FREM1: variants seen among roughly 807,000 people sequenced by gnomAD.
FREM1 encodes FRAS1-related extracellular matrix protein 1.
In FREM1, 220 loss-of-function variants were observed where a neutral mutation model predicts 210.1. The ratio of observed to expected loss-of-function variants is 1.05; its 90% CI spans 0.94 to 1.17. The LOEUF is 1.17. FREM1 is among the 50% of genes most tolerant of loss of function. The pLI, the probability that FREM1 is intolerant of heterozygous loss-of-function variation, is 0.00. For synonymous variants in FREM1, 1,189 were observed against 980.2 expected, an observed-to-expected ratio of 1.21 and a Z score of -3.98; for missense variants, 3,454 against 2,675.5, an observed-to-expected ratio of 1.29 and a Z score of -6.42.
intron 1 of FREM1, among the ~76,000 whole-genome samples, chr9:14,906,290 A>G (rs1401666752): frequency 6.6e-6 from 1 of 152,172 alleles, no homozygotes; most frequent in African/African-American, 2.4e-5. Flanking sequence ...TTCAAAGGCC[A>G]TTATTTTTTC....
chr9:14,809,527 A>G (rs142520893), intron 16 of FREM1, among the ~76,000 whole-genome samples: 2 of 152,352 alleles, frequency 1.3e-5, no homozygotes, highest in East Asian at 3.9e-4. Flanking sequence ...AAGGATGAGA[A>G]AACTGGGCTT....
rs1220899817 is a variant in FREM1 at position 14,775,849 on chromosome 9, T to C, written c.4797A>G (p.Thr1599=). ...TCCCATTCACAATAAAGCCTTGGTTTGTCCCATCTGTGGCCATGAAAGTAA... is the reference window on the plus strand; with the variant it reads ...TCCCATTCACAATAAAGCCTTGGTTCGTCCCATCTGTGGCCATGAAAGTAA... ...DCFTFMATDG[T]NQGFIVNGRV... The change falls in exon 25 of 37, where the codon ACA becomes ACG. Residue 1599 remains threonine (T), a synonymous_variant. Transcript: ENST00000380880. 1 of 1,613,842 alleles carries C rather than the reference T, an allele frequency of 6.2e-7. No individual in the cohort carries two copies. The highest frequency in any genetic ancestry group is 8.5e-7 in the Non-Finnish European group (1 of 1,179,830).
intron 3 of FREM1, among the ~76,000 whole-genome samples, chr9:14,861,136 TAC>T (rs1554708366): frequency 7.2e-6 from 1 of 138,486 alleles, no homozygotes; most frequent in African/African-American, 2.7e-5. Flanking sequence ...TACACATATA[TAC>T]ATATATACAC....
At position 14,846,040 on chromosome 9, in the gene FREM1, T is replaced by C. The variant is rs1456324788; in HGVS notation, c.1313A>G (p.Gln438Arg). 2 of 1,606,270 alleles carry C rather than the reference T, an allele frequency of 1.2e-6. No individual in the cohort carries two copies. The highest frequency in any genetic ancestry group is 2.2e-5 in the South Asian group (2 of 89,540). ...QSRAITWEQF[Q>R]VVDNDDIGAV... is the part of the protein sequence containing the mutation. Reference sequence around the variant, plus strand: ...ACCAATGTCGTCATTGTCGACAACCTGAAACTGTTCCCAAGTGATGGCTCG... The same window carrying C: ...ACCAATGTCGTCATTGTCGACAACCCGAAACTGTTCCCAAGTGATGGCTCG... The change falls in exon 8 of 37, where the codon CAG becomes CGG. Residue 438 changes from glutamine to arginine, a missense_variant. Gln to Arg is a conservative substitution (Grantham distance 43). Coordinates refer to ENST00000380880, the MANE Select transcript of FREM1 (RefSeq NM_001379081.2).
chr9:14,798,177 T>C (rs953730001), intron 20 of FREM1, among the ~76,000 whole-genome samples: 1 of 152,200 alleles, frequency 6.6e-6, no homozygotes, highest in African/African-American at 2.4e-5. Context: ...GCTACTAAAA[T>C]GCTAGAAGAT....
chr9:14,828,061 A>T (rs1175232381), intron 10 of FREM1, among the ~76,000 whole-genome samples: 1 of 152,236 alleles, frequency 6.6e-6, no homozygotes, highest in East Asian at 1.9e-4. Flanking sequence ...TGCTGCAGAC[A>T]GTACCCACTA....
At chr9:14,823,567 T>C (rs911130153) in intron 12 of FREM1, among the ~76,000 whole-genome samples, 1 of 152,182 alleles carries the variant, frequency 6.6e-6, no homozygotes, top group Non-Finnish European at 1.5e-5. Context: ...AGCATGGCCC[T>C]GCCAACACCT....
chr9:14,860,798 C>CACATATACACATATATACGTATATAT (rs1829916567), intron 3 of FREM1, among the ~76,000 whole-genome samples: 1 of 91,116 alleles, frequency 1.1e-5, no homozygotes, highest in African/African-American at 4.0e-5. Context: ...TACATATATA[C>CACATATACACATATATACGTATATAT]ACATATATAC....
intron 1 of FREM1, among the ~76,000 whole-genome samples, chr9:14,874,644 A>T (rs554278501): frequency 6.6e-6 from 1 of 152,030 alleles, no homozygotes; most frequent in South Asian, 2.1e-4. Flanking sequence ...GTGTCTTTTA[A>T]TTGGAGCATT....
chr9:14,899,369 A>G (rs117735761), intron 1 of FREM1, among the ~76,000 whole-genome samples: 2,773 of 152,320 alleles, frequency 0.018, 37 homozygotes, highest in Non-Finnish European at 0.03. Context: ...TGATCTGCTC[A>G]CTTTGGCAGA....
intron 6 of FREM1, among the ~76,000 whole-genome samples, chr9:14,849,666 G>A (rs572918128): frequency 6.6e-6 from 1 of 152,360 alleles, no homozygotes; most frequent in South Asian, 2.1e-4. Context: ...ATGGGCAGGA[G>A]GTGTCTTTTT....
At chr9:14,871,903 C>A (rs1239814823) in intron 1 of FREM1, among the ~76,000 whole-genome samples, 1 of 152,154 alleles carries the variant, frequency 6.6e-6, no homozygotes, top group East Asian at 1.9e-4. Context: ...TTTCTCAGCA[C>A]CATTCATTAA....
chr9:14,884,807 C>G (rs552932892), intron 1 of FREM1, among the ~76,000 whole-genome samples: 1 of 151,120 alleles, frequency 6.6e-6, no homozygotes, highest in South Asian at 2.1e-4. Context: ...ATAATATTTA[C>G]TATTCTTCCT....
intron 10 of FREM1, among the ~76,000 whole-genome samples, chr9:14,831,365 G>C (rs577476930): frequency 1.3e-5 from 2 of 152,188 alleles, no homozygotes; most frequent in Admixed American, 1.3e-4. Flanking sequence ...CTTCTCTGGC[G>C]AGCACATGGT....
chr9:14,863,666 C>T, intron 3 of FREM1, 143 bp downstream of exon 3: 1 of 591,820 alleles, frequency 1.7e-6, no homozygotes, highest in Non-Finnish European at 3.0e-6. Context: ...CTGATCCACT[C>T]AGGCCTCCAG....
chr9:14,851,244 G>GGGGGTTCTTAAATA, intron 6 of FREM1, 40 bp downstream of exon 6: 3 of 1,458,530 alleles, frequency 2.1e-6, no homozygotes, highest in Non-Finnish European at 2.8e-6. Flanking sequence ...ATAACCCTGT[G>GGGGGTTCTTAAATA]ACTTCTAACT....
At chr9:14,760,041 T>C (rs552235604) in intron 27 of FREM1, 140 bp from the exon 28 acceptor site, 77 of 537,534 alleles carry the variant, frequency 1.4e-4, no homozygotes, top group Admixed American at 3.2e-4. Flanking sequence ...ATTTGACACA[T>C]TTTAGTTCAC....
At chr9:14,897,099 T>C (rs988505893) in intron 1 of FREM1, among the ~76,000 whole-genome samples, 4 of 152,208 alleles carry the variant, frequency 2.6e-5, no homozygotes, top group African/African-American at 9.6e-5. Context: ...AGTTACAGTA[T>C]ATGAAAAATC....
intron 36 of FREM1, among the ~76,000 whole-genome samples, chr9:14,738,237 C>T (rs1465926216): frequency 1.3e-5 from 2 of 152,062 alleles, no homozygotes; most frequent in Non-Finnish European, 2.9e-5. Context: ...TTAAGCATTC[C>T]CCTACTCACT....
Sources: gnomAD v4.1 joint callset for allele counts (sites outside exome capture counted in the v4.1 genomes callset) on GRCh38, gnomAD v4.1.1 for gene constraint, MANE v1.5 for transcripts, NCBI Gene and HGNC (gene_info 2026-07-23, HGNC 2026-07-21) for gene names.